The following AMZ1 variants were observed in gnomAD, a reference collection of about 807,000 sequenced individuals.
The protein encoded by AMZ1 is archaelysin family metallopeptidase 1.
In AMZ1, 39 loss-of-function variants were observed where a neutral mutation model predicts 29.9. That is an observed-to-expected ratio of 1.30 (90% confidence interval 1.01 to 1.70). The LOEUF (loss-of-function observed/expected upper bound fraction) is 1.70. AMZ1 is among the 40% of genes most tolerant of loss of function. The pLI is 0.00. For missense variants in AMZ1, 1,041 were observed against 680.6 expected (o/e 1.53, Z -5.89); for synonymous variants, 458 against 304.0 (o/e 1.51, Z -5.27).
chr7:2,759,140 AAAATAAATAAATAAATAAATAAAT>A (rs3074427), intron 4 of AMZ1, among the ~76,000 whole-genome samples: 34 of 144,766 alleles, frequency 2.3e-4, no homozygotes, highest in Middle Eastern at 3.5e-3. Flanking sequence ...ACACTGTCTC[AAAATAAATAAATAAATAAATAAAT>A]AAATAAATAA....
intron 6 of AMZ1, among the ~76,000 whole-genome samples, chr7:2,710,922 G>T (rs569030875): frequency 1.2e-4 from 18 of 152,322 alleles, no homozygotes; most frequent in African/African-American, 3.4e-4. Context: ...CCTTCCTGAG[G>T]CTGTGTAACA....
chr7:2,721,312 T>G (rs1789411044), downstream of AMZ1, among the ~76,000 whole-genome samples: 1 of 152,196 alleles, frequency 6.6e-6, no homozygotes, highest in East Asian at 1.9e-4. Context: ...GTGGAAGATG[T>G]GAGGAGGCCT....
chr7:2,704,615 A>T (rs12533772), intron 3 of AMZ1, among the ~76,000 whole-genome samples: 58,057 of 78,766 alleles, frequency 0.74, 20,115 homozygotes, highest in South Asian at 0.86. Context: ...TTTTTTTTTT[A>T]AGACGGAGTC....
upstream of AMZ1, among the ~76,000 whole-genome samples, chr7:2,685,220 G>A (rs189356284): frequency 1.3e-5 from 2 of 151,904 alleles, no homozygotes; most frequent in South Asian, 4.1e-4. Context: ...GTGGGGGTTG[G>A]GGGGAGGATA....
At chr7:2,732,665 C>G (rs1257670319) in intron 4 of AMZ1, among the ~76,000 whole-genome samples, 1 of 152,212 alleles carries the variant, frequency 6.6e-6, no homozygotes, top group Non-Finnish European at 1.5e-5. Context: ...ATGCCTCGAT[C>G]TAGAGGTCTG....
downstream of AMZ1, among the ~76,000 whole-genome samples, chr7:2,721,177 G>T (rs1789404811): frequency 6.6e-6 from 1 of 152,236 alleles, no homozygotes; most frequent in Non-Finnish European, 1.5e-5. Flanking sequence ...CAGGACGCCT[G>T]TGCCTGGGAG....
chr7:2,707,293 AAAAC>A (rs1191403101), intron 3 of AMZ1, among the ~76,000 whole-genome samples: 16 of 148,916 alleles, frequency 1.1e-4, no homozygotes, highest in African/African-American at 3.7e-4. Flanking sequence ...AAAAAACAAA[AAAAC>A]ACACACACAC....
At chr7:2,732,118 C>T (rs906751184) in intron 4 of AMZ1, among the ~76,000 whole-genome samples, 7 of 152,294 alleles carry the variant, frequency 4.6e-5, no homozygotes, top group African/African-American at 1.2e-4. Flanking sequence ...CTTCCAAAAC[C>T]TTACTGTGAA....
rs1041496606 is a variant in AMZ1, at chr7:2,712,951, C to T, written c.*73C>T. On this transcript the variant is annotated 3_prime_UTR_variant, in exon 7 of 7. Transcript: ENST00000683327. The stretch of plus-strand genomic sequence containing the variant: ...CACTGTCCAGTAGCTGAGGCCACTA[C>T]TGACCTGCCAGGGATAAAGAGGAAG... 5 of 1,420,186 alleles carry T rather than the reference C, an allele frequency of 3.5e-6. No individual in the cohort carries two copies. The South Asian group carries it at 5.1e-5, about 14-fold the overall frequency. 88.0% of individuals were successfully genotyped at this position (1,420,186 alleles called of 1,614,324 possible). A position where few individuals can be genotyped will look rare whatever the true frequency, so the allele number is the denominator to read the frequency against.
chr7:2,680,404 C>T (rs1786840460), intron 1 of AMZ1, among the ~76,000 whole-genome samples: 1 of 152,258 alleles, frequency 6.6e-6, no homozygotes, highest in South Asian at 2.1e-4. Flanking sequence ...CCGGGAGACC[C>T]CGGATCCTGC....
rs374517028 is a variant in AMZ1, at chr7:2,700,458, C to T, written c.7C>T (p.Gln3Ter). ...CAGGCCCTGCCCGCCCACCATGCTG[C>T]AGTGTAGACCCGCACAGGAGTTCAG... The part of the protein sequence containing the change: ML[Q>*]CRPAQEFSFG... The change falls in exon 2 of 7, where the codon CAG (glutamine) becomes TAG (stop). Residue 3 changes from glutamine to a stop codon, truncating the protein, a stop_gained. Coordinates refer to ENST00000683327, the MANE Select transcript of AMZ1 (RefSeq NM_001384743.1). LOFTEE classifies it high-confidence loss of function. 1 of 1,599,928 alleles carries T rather than the reference C, an allele frequency of 6.3e-7. No homozygotes were observed. Among genetic ancestry groups the T allele is most frequent in the Non-Finnish European group, 8.5e-7 (1 of 1,179,330 alleles).
chr7:2,748,356 C>CATGT (rs1790868176), intron 4 of AMZ1, among the ~76,000 whole-genome samples: 1 of 152,198 alleles, frequency 6.6e-6, no homozygotes, highest in African/African-American at 2.4e-5. Flanking sequence ...AATAATGCTG[C>CATGT]ATATCTACAA....
chr7:2,680,171 A>T (rs1786832265), intron 1 of AMZ1, among the ~76,000 whole-genome samples: 1 of 152,108 alleles, frequency 6.6e-6, no homozygotes, highest in African/African-American at 2.4e-5. Context: ...TGACAGTGGC[A>T]CTTGAAGAAG....
upstream of AMZ1, among the ~76,000 whole-genome samples, chr7:2,759,849 GCGATTGT>G (rs1791474729): frequency 6.6e-6 from 1 of 151,888 alleles, no homozygotes. Context: ...GCCGTCCAAT[GCGATTGT>G]CCGCCCCCGT....
At chr7:2,688,479 G>A (rs1299139352) in intron 1 of AMZ1, among the ~76,000 whole-genome samples, 183 bp downstream of exon 1, 1 of 152,130 alleles carries the variant, frequency 6.6e-6, no homozygotes, top group African/African-American at 2.4e-5. Flanking sequence ...CACTTGGCGA[G>A]GGTTTGGTGC....
chr7:2,727,428 G>C (rs1000309060), intron 4 of AMZ1, among the ~76,000 whole-genome samples: 2 of 152,214 alleles, frequency 1.3e-5, no homozygotes, highest in East Asian at 3.9e-4. Flanking sequence ...CCAGGGTGGA[G>C]TGCAGAGTGC....
rs1045324233 is a variant in AMZ1, at chr7:2,713,509, G to C, written c.*631G>C. The C allele has an allele frequency of 2.0e-5, 3 of 152,552 alleles. No homozygotes were observed. Among genetic ancestry groups the C allele is most frequent in the African/African-American group, 7.2e-5 (3 of 41,460 alleles). 9.4% of individuals were successfully genotyped at this position (152,552 alleles called of 1,614,324 possible). ...AGTTATTTATAGCTGGAGCTGGAGA[G>C]GCTGGCTCAGATGAGGAGTGACCCC... is the stretch of plus-strand genomic sequence containing the variant. On this transcript the variant is annotated 3_prime_UTR_variant, in exon 7 of 7. Transcript: ENST00000683327.
chr7:2,731,601 G>C lies in AMZ1; in HGVS notation n.550+21785G>C. 3.1e-6 allele frequency: 5 copies of C among 1,613,850 alleles called. No individual in the cohort carries two copies. Among genetic ancestry groups the C allele is most frequent in the Non-Finnish European group, 4.2e-6 (5 of 1,179,908 alleles). On this transcript the variant is annotated intron_variant and non_coding_transcript_variant, in intron 4 of 4. Coordinates refer to the AMZ1 transcript ENST00000489665. This position sits in a 1 kb window ranked among gnomAD's most constrained non-coding sequence, Gnocchi z 6.0. ...TGAACAGGATGGACGTGATCCCGTC[G>C]AAGCACTGGAACCACTTCTGGCGCT...
chr7:2,741,714 C>T (rs1023819518), intron 4 of AMZ1, among the ~76,000 whole-genome samples: 9 of 151,912 alleles, frequency 5.9e-5, no homozygotes, highest in South Asian at 4.2e-4. Context: ...TTTAAAAATC[C>T]GTCATCATTT....
Sources: allele counts gnomAD v4.1 joint callset (sites outside exome capture counted in the v4.1 genomes callset), GRCh38; gene constraint gnomAD v4.1.1; non-coding constraint Gnocchi (gnomAD v3.1); transcripts MANE v1.5; gene names NCBI Gene and HGNC (gene_info 2026-07-23, HGNC 2026-07-21).